The following RALYL variants were observed in gnomAD, a reference collection of about 807,000 sequenced individuals.
RALYL encodes the protein RALY RNA binding protein like.
RALYL carries 29 observed loss-of-function variants against 35.1 expected under a neutral mutation model. The observed-to-expected ratio is 0.83, with a 90% CI of 0.61 to 1.13. RALYL has a LOEUF of 1.13. RALYL is among the 50% of genes most tolerant of loss of function. RALYL has a pLI of 0.00. For missense variants in RALYL, 359 were observed against 360.4 expected, an observed-to-expected ratio of 1.00 and a Z score of 0.03; for synonymous variants, 120 against 127.6, an observed-to-expected ratio of 0.94 and a Z score of 0.40.
chr8:84,632,135 G>A (rs527795463), intron 2 of RALYL, among the ~76,000 whole-genome samples: 101 of 151,950 alleles, frequency 6.6e-4, no homozygotes, highest in African/African-American at 2.4e-3. Context: ...CCCACCATGC[G>A]AGAGGACAGC....
At chr8:84,703,577 A>ATCATAATGGAGAATTGATATTAATTATAT (rs1840603734) in intron 2 of RALYL, among the ~76,000 whole-genome samples, 1 of 152,176 alleles carries the variant, frequency 6.6e-6, no homozygotes, top group South Asian at 2.1e-4. Flanking sequence ...TATTAATTAT[A>ATCATAATGGAGAATTGATATTAATTATAT]CATAATGGAG....
At chr8:84,739,632 C>T (rs1314864233) in intron 2 of RALYL, among the ~76,000 whole-genome samples, 1 of 151,618 alleles carries the variant, frequency 6.6e-6, no homozygotes, top group Non-Finnish European at 1.5e-5. Context: ...TATATATTCA[C>T]ACACAAACAT....
chr8:84,908,585 C>G (rs942469497), intron 8 of RALYL, among the ~76,000 whole-genome samples: 7 of 152,122 alleles, frequency 4.6e-5, no homozygotes, highest in Non-Finnish European at 1.0e-4. Context: ...GCCACATTTT[C>G]TTTATCCATT....
intron 2 of RALYL, among the ~76,000 whole-genome samples, chr8:84,756,778 T>TG (rs1199869582): frequency 7.2e-6 from 1 of 139,168 alleles, no homozygotes; most frequent in Non-Finnish European, 1.6e-5. Context: ...TTGTAAAAGG[T>TG]GTTTTTTTTT....
At chr8:84,628,520 G>T (rs1187633368) in intron 2 of RALYL, among the ~76,000 whole-genome samples, 1 of 152,018 alleles carries the variant, frequency 6.6e-6, no homozygotes, top group Admixed American at 6.6e-5. Flanking sequence ...CTACAGAGTA[G>T]GTGATTATTA....
At chr8:84,726,206 A>T (rs1213157766) in intron 2 of RALYL, among the ~76,000 whole-genome samples, 3 of 147,802 alleles carry the variant, frequency 2.0e-5, no homozygotes, top group African/African-American at 7.3e-5. Context: ...TATAAAAATA[A>T]AATTGTGTAT....
intron 1 of RALYL, among the ~76,000 whole-genome samples, chr8:84,330,819 C>T (rs1055454846): frequency 6.6e-6 from 1 of 151,932 alleles, no homozygotes; most frequent in Non-Finnish European, 1.5e-5. Context: ...GGGTAATAAT[C>T]AAAATTTTAG....
chr8:84,775,338 A>G (rs887776690), intron 3 of RALYL, among the ~76,000 whole-genome samples: 3 of 152,136 alleles, frequency 2.0e-5, no homozygotes, highest in African/African-American at 7.2e-5. Context: ...GACTCTTGCA[A>G]TGTAGATATT....
intron 1 of RALYL, among the ~76,000 whole-genome samples, chr8:84,382,408 C>T (rs767004127): frequency 2.7e-4 from 41 of 151,602 alleles, no homozygotes; most frequent in Non-Finnish European, 5.8e-4. Context: ...AAAGAAAATG[C>T]ATCAACTAAG....
chr8:84,887,524 A>C (rs1843093159), intron 7 of RALYL, 80 bp from the exon 8 acceptor site: 2 of 1,296,908 alleles, frequency 1.5e-6, no homozygotes, highest in South Asian at 1.5e-5. Context: ...TTACCCTTTC[A>C]TGGACTGTTT....
intron 2 of RALYL, among the ~76,000 whole-genome samples, chr8:84,650,158 T>G (rs1588751114): frequency 6.6e-6 from 1 of 152,102 alleles, no homozygotes; most frequent in Non-Finnish European, 1.5e-5. Flanking sequence ...CTGAAGTTGC[T>G]TATCAGCTTA....
intron 1 of RALYL, among the ~76,000 whole-genome samples, chr8:84,497,630 G>GTTTTTTTTTTTTTTTT (rs1181968193): frequency 1.7e-5 from 2 of 119,124 alleles, no homozygotes; most frequent in African/African-American, 6.4e-5. Context: ...TTTTTTTGTT[G>GTTTTTTTTTTTTTTTT]TTTTTGTTTT....
At chr8:84,256,201 G>A (rs887939923) in intron 1 of RALYL, among the ~76,000 whole-genome samples, 4 of 152,042 alleles carry the variant, frequency 2.6e-5, no homozygotes. Context: ...CTAGTTTTGA[G>A]TCTTAATATA....
intron 6 of RALYL, among the ~76,000 whole-genome samples, chr8:84,868,613 C>T (rs1839613980): frequency 6.6e-6 from 1 of 152,126 alleles, no homozygotes. Flanking sequence ...ACACTTGCAG[C>T]TTCTAATGAA....
At chr8:84,863,767 T>C (rs541402417) in intron 6 of RALYL, among the ~76,000 whole-genome samples, 64 of 152,336 alleles carry the variant, frequency 4.2e-4, no homozygotes, top group African/African-American at 1.5e-3. Context: ...TCAACAAACT[T>C]TGTGGACCTA....
intron 2 of RALYL, among the ~76,000 whole-genome samples, chr8:84,633,162 G>T (rs949425670): frequency 1.2e-4 from 18 of 151,588 alleles, no homozygotes; most frequent in Admixed American, 4.0e-4. Flanking sequence ...ATGTTAAGAG[G>T]CTGAGTCTTT....
chr8:84,468,263 A>G (rs1216677168), intron 1 of RALYL, among the ~76,000 whole-genome samples: 4 of 151,488 alleles, frequency 2.6e-5, no homozygotes, highest in South Asian at 2.1e-4. Flanking sequence ...TTTTGGCATG[A>G]TTTTGCAGCG....
chr8:84,576,266 A>C (rs918930389), intron 2 of RALYL, among the ~76,000 whole-genome samples: 61 of 152,326 alleles, frequency 4.0e-4, no homozygotes, highest in East Asian at 1.9e-4. Context: ...TATGAATATA[A>C]ACAAAAAAAG....
At chr8:84,550,850 A>G (rs1356820601) in intron 2 of RALYL, among the ~76,000 whole-genome samples, 4 of 152,006 alleles carry the variant, frequency 2.6e-5, no homozygotes, top group African/African-American at 7.2e-5. Flanking sequence ...CTATAAAATA[A>G]TCATAAAATC....
Sources: allele counts gnomAD v4.1 joint callset (sites outside exome capture counted in the v4.1 genomes callset), GRCh38; gene constraint gnomAD v4.1.1; transcripts MANE v1.5; gene names NCBI Gene and HGNC (gene_info 2026-07-23, HGNC 2026-07-21).